The following RPH3A variants were observed in gnomAD, a reference collection of about 807,000 sequenced individuals.
RPH3A encodes rabphilin 3A.
In RPH3A, 48 loss-of-function variants were observed where a neutral mutation model predicts 102.2. The observed-to-expected ratio is 0.47, with a 90% CI of 0.37 to 0.60. The LOEUF (loss-of-function observed/expected upper bound fraction) is 0.60, where lower values mean the gene tolerates loss of function less well. RPH3A is among the 20% of genes least tolerant of loss of function. The pLI, the probability that RPH3A is intolerant of heterozygous loss-of-function variation, is 0.00. For missense variants in RPH3A, 781 were observed against 910.1 expected (o/e 0.86, Z 1.83); for synonymous variants, 310 against 324.3 (o/e 0.96, Z 0.47).
At chr12:112,745,055 G>C (rs1190119143) in intron 1 of RPH3A, among the ~76,000 whole-genome samples, 1 of 152,208 alleles carries the variant, frequency 6.6e-6, no homozygotes, top group Non-Finnish European at 1.5e-5. Flanking sequence ...ATTGTATTGA[G>C]TTGTCATGTC....
intron 14 of RPH3A, among the ~76,000 whole-genome samples, chr12:112,880,035 A>G (rs2042880151): frequency 6.6e-6 from 1 of 151,730 alleles, no homozygotes; most frequent in Non-Finnish European, 1.5e-5. Context: ...CCTCGCTATA[A>G]TAATTAATTG....
rs1487542308 is a variant in RPH3A at position 112,678,269 on chromosome 12, GAA to G, written c.-140+102952_-140+102953del. On this transcript the variant is annotated intron_variant, in intron 1 of 21. Coordinates refer to the RPH3A transcript ENST00000543106. The stretch of plus-strand genomic sequence containing the variant: ...AGAAAGAAAGAAAGAAAGAAAGAAA[GAA>G]AGAAAGAAAGAAAGAAAGAAAGAAA... 1.1e-3 allele frequency among the ~76,000 whole-genome samples: 80 copies of G among 70,706 alleles called. 3 individuals are homozygous for G. The highest frequency in any genetic ancestry group is 6.3e-3 in the Middle Eastern group (1 of 158). 46.4% of individuals were successfully genotyped at this position (70,706 alleles called of 152,430 possible).
intron 1 of RPH3A, among the ~76,000 whole-genome samples, chr12:112,590,146 A>G (rs1350599124): frequency 6.6e-6 from 1 of 151,920 alleles, no homozygotes; most frequent in African/African-American, 2.4e-5. Context: ...CTTGCATCAT[A>G]GACTTTAACT....
intron 1 of RPH3A, among the ~76,000 whole-genome samples, chr12:112,749,847 C>T (rs951306485): frequency 1.3e-5 from 2 of 152,180 alleles, no homozygotes; most frequent in African/African-American, 4.8e-5. Flanking sequence ...ATTAAAAACC[C>T]TGATTCACCA....
chr12:112,709,835 C>T (rs556556966), intron 1 of RPH3A, among the ~76,000 whole-genome samples: 3 of 152,242 alleles, frequency 2.0e-5, no homozygotes, highest in East Asian at 1.9e-4. Flanking sequence ...CACAGTGGGG[C>T]GCTGATTATC....
intron 1 of RPH3A, among the ~76,000 whole-genome samples, chr12:112,638,273 G>A (rs2039861989): frequency 6.6e-6 from 1 of 152,152 alleles, no homozygotes; most frequent in Non-Finnish European, 1.5e-5. Flanking sequence ...CATTCTTCCA[G>A]CCAACAGAAT....
intron 1 of RPH3A, among the ~76,000 whole-genome samples, chr12:112,769,236 C>T (rs755045708): frequency 2.0e-5 from 3 of 152,192 alleles, no homozygotes; most frequent in African/African-American, 4.8e-5. Context: ...TTTAACTTGA[C>T]GCCTCTTTGA....
chr12:112,671,287 G>A (rs2040127481), intron 1 of RPH3A, among the ~76,000 whole-genome samples: 1 of 152,180 alleles, frequency 6.6e-6, no homozygotes, highest in South Asian at 2.1e-4. Flanking sequence ...AAGCAGTCCA[G>A]GATTAGCGTG....
chr12:112,580,503 G>A (rs980936542), intron 1 of RPH3A, among the ~76,000 whole-genome samples: 11 of 144,446 alleles, frequency 7.6e-5, no homozygotes, highest in African/African-American at 2.8e-4. Context: ...TCCCGAGTTC[G>A]CGCCATTCTC....
rs895624411 is a variant in RPH3A at position 112,724,349 on chromosome 12, G to A, written c.-139-67794G>A. Among the ~76,000 whole-genome samples the A allele has an allele frequency of 2.6e-5, 4 of 152,132 alleles. No homozygotes were observed. The East Asian group carries it at 5.8e-4, about 22-fold the overall frequency. ...GAAAGTGCTGGACTTACAGGCATGA[G>A]CCACTGTGGCTGGCCAATATTTTTT... is the stretch of plus-strand genomic sequence containing the variant. On this transcript the variant is annotated intron_variant, in intron 1 of 21. Transcript: ENST00000543106.
At chr12:112,650,720 A>G (rs2135997051) in intron 1 of RPH3A, 2 of 151,616 alleles carry the variant, frequency 1.3e-5, no homozygotes. Flanking sequence ...AGTAATAGAT[A>G]CTTGTTTACA....
intron 4 of RPH3A, 100 bp from the exon 5 acceptor site, chr12:112,847,596 T>C: frequency 7.7e-7 from 1 of 1,292,534 alleles, no homozygotes; most frequent in Non-Finnish European, 1.1e-6. Context: ...CTGAGAGAGA[T>C]GATCCTTTTG....
At chr12:112,805,312 C>A (rs951581977) in intron 2 of RPH3A, among the ~76,000 whole-genome samples, 7 of 149,876 alleles carry the variant, frequency 4.7e-5, no homozygotes, top group African/African-American at 1.7e-4. Flanking sequence ...GTGTACGAAT[C>A]TTCTGGGATT....
At chr12:112,881,091 G>T (rs2042901243) in intron 14 of RPH3A, among the ~76,000 whole-genome samples, 1 of 152,176 alleles carries the variant, frequency 6.6e-6, no homozygotes, top group South Asian at 2.1e-4. Context: ...TGGTATAAGT[G>T]CTGTGCAGAG....
intron 1 of RPH3A, among the ~76,000 whole-genome samples, chr12:112,604,369 G>C (rs1379043876): frequency 6.6e-6 from 1 of 152,172 alleles, no homozygotes; most frequent in Non-Finnish European, 1.5e-5. Context: ...TGTTATAAAA[G>C]TCAGTCATCT....
At chr12:112,583,838 A>G (rs1250704591) in intron 1 of RPH3A, among the ~76,000 whole-genome samples, 1 of 152,142 alleles carries the variant, frequency 6.6e-6, no homozygotes, top group African/African-American at 2.4e-5. Context: ...TACAAAAATT[A>G]GCCAGGTGGT....
At chr12:112,803,486 A>ATATTATTATTAT (rs138267182) in intron 2 of RPH3A, among the ~76,000 whole-genome samples, 3 of 150,362 alleles carry the variant, frequency 2.0e-5, no homozygotes, top group African/African-American at 7.3e-5. Context: ...TGGGAAGGAG[A>ATATTATTATTAT]TATTATTATT....
chr12:112,730,310 T>G (rs1299561558), intron 1 of RPH3A, among the ~76,000 whole-genome samples: 1 of 152,236 alleles, frequency 6.6e-6, no homozygotes, highest in Non-Finnish European at 1.5e-5. Context: ...CCATTAGACT[T>G]GCTGTCCAGC....
At chr12:112,756,348 G>A (rs993957049) in intron 1 of RPH3A, among the ~76,000 whole-genome samples, 1 of 152,086 alleles carries the variant, frequency 6.6e-6, no homozygotes, top group Non-Finnish European at 1.5e-5. Context: ...AAGTAGCTGG[G>A]ATTACAGGTA....
Sources: allele counts gnomAD v4.1 joint callset (sites outside exome capture counted in the v4.1 genomes callset), GRCh38; gene constraint gnomAD v4.1.1; transcripts MANE v1.5; gene names NCBI Gene and HGNC (gene_info 2026-07-23, HGNC 2026-07-21).